MIER2: variants seen among roughly 807,000 people sequenced by gnomAD.
MIER2 encodes MIER family member 2, also known as mesoderm induction early response protein 2.
A neutral mutation model predicts 67.6 loss-of-function variants in MIER2; 30 were observed. The ratio of observed to expected loss-of-function variants is 0.44; its 90% CI spans 0.33 to 0.60. The LOEUF is 0.60. Ranked by LOEUF, MIER2 falls within the 20% of genes least tolerant of loss-of-function variation. The pLI is 0.02. For synonymous variants in MIER2, 372 were observed against 312.6 expected (o/e 1.19, Z -2.00); for missense variants, 702 against 745.1 (o/e 0.94, Z 0.67).
chr19:339,772 G>A (rs975717234), intron 1 of MIER2, among the ~76,000 whole-genome samples: 2 of 150,870 alleles, frequency 1.3e-5, no homozygotes, highest in Admixed American at 6.6e-5. Context: ...AGGCAAATTC[G>A]TAGAGACAGA....
intron 1 of MIER2, among the ~76,000 whole-genome samples, chr19:337,377 A>T (rs1046186106): frequency 6.6e-6 from 1 of 152,214 alleles, no homozygotes; most frequent in Admixed American, 6.5e-5. Context: ...TACTTTCATA[A>T]GGAAAAATAC....
chr19:335,654 G>A (rs1489686047), intron 2 of MIER2, among the ~76,000 whole-genome samples: 2 of 152,198 alleles, frequency 1.3e-5, no homozygotes, highest in Admixed American at 1.3e-4. Context: ...AGGCGGGCAT[G>A]GGACCTTGAT....
intron 7 of MIER2, among the ~76,000 whole-genome samples, chr19:315,466 A>T (rs1267833201): frequency 6.6e-6 from 1 of 152,264 alleles, no homozygotes; most frequent in Non-Finnish European, 1.5e-5. Context: ...AACGAGGATT[A>T]ATACGTTAAG....
chr19:343,844 G>A, intron 1 of MIER2: 1 of 985,270 alleles, frequency 1.0e-6, no homozygotes, highest in African/African-American at 1.7e-5. Context: ...GGCCCTCCAA[G>A]GTGAAAGCAA....
intron 1 of MIER2, among the ~76,000 whole-genome samples, chr19:343,366 C>A (rs1972587058): frequency 6.6e-6 from 1 of 152,206 alleles, no homozygotes; most frequent in African/African-American, 2.4e-5. Flanking sequence ...CTGGGAGACG[C>A]GGCTTCTGCC....
At position 336,145 on chromosome 19, in the gene MIER2, C is replaced by G. The variant is rs972995906; in HGVS notation, c.38G>C (p.Arg13Pro). Reference sequence around the variant, plus strand: ...GCTGTGCTCGAGGCAGGAGACCACGCGAGGACTCTGCCTCCCCAGCGAGGA... The same window carrying G: ...GCTGTGCTCGAGGCAGGAGACCACGGGAGGACTCTGCCTCCCCAGCGAGGA... ...EASSLGRQSP[R>P]VVSCLEHSLC... The change falls in exon 2 of 14, where the codon CGC becomes CCC. Residue 13 changes from arginine to proline, a missense_variant. Transcript: ENST00000264819. The G allele has an allele frequency of 1.9e-6, 3 of 1,613,290 alleles. No individual in the cohort carries two copies. The highest frequency in any genetic ancestry group is 1.3e-5 in the African/African-American group (1 of 74,928).
intron 7 of MIER2, among the ~76,000 whole-genome samples, chr19:314,175 T>C (rs1167325958): frequency 6.6e-6 from 1 of 152,184 alleles, no homozygotes; most frequent in Non-Finnish European, 1.5e-5. Flanking sequence ...TTAGGCACTG[T>C]CGCGCTCTAA....
chr19:309,901 C>A (rs146116876), intron 10 of MIER2, among the ~76,000 whole-genome samples: 1 of 95,542 alleles, frequency 1.0e-5, no homozygotes, highest in Non-Finnish European at 1.9e-5. Flanking sequence ...TTCAGGGACA[C>A]GAGAAGGGAC....
intron 4 of MIER2, 107 bp from the exon 5 acceptor site, chr19:327,363 T>A: frequency 2.2e-6 from 3 of 1,352,170 alleles, no homozygotes; most frequent in Non-Finnish European, 3.0e-6. Context: ...GAGGCTCACA[T>A]GGGGCTGCTA....
intron 1 of MIER2, among the ~76,000 whole-genome samples, chr19:339,940 G>A (rs553678284): frequency 9.9e-5 from 15 of 152,242 alleles, no homozygotes; most frequent in African/African-American, 3.6e-4. Flanking sequence ...CCACTGAACT[G>A]GACACATTAA....
intron 7 of MIER2, among the ~76,000 whole-genome samples, chr19:318,963 A>G (rs1434465566): frequency 6.6e-6 from 1 of 151,148 alleles, no homozygotes; most frequent in East Asian, 1.9e-4. Context: ...AGGCTGAGAC[A>G]GGAGAATGGC....
At chr19:318,388 G>A (rs543374416) in intron 7 of MIER2, among the ~76,000 whole-genome samples, 1 of 152,236 alleles carries the variant, frequency 6.6e-6, no homozygotes, top group African/African-American at 2.4e-5. Flanking sequence ...AATGGTAAAA[G>A]AAACAATTCA....
intron 7 of MIER2, among the ~76,000 whole-genome samples, chr19:314,368 G>A (rs1031514022): frequency 5.9e-5 from 9 of 152,232 alleles, no homozygotes; most frequent in African/African-American, 1.9e-4. Context: ...GGACGTGACT[G>A]GGGACAAGGC....
chr19:316,030 T>C (rs925858959), intron 7 of MIER2, among the ~76,000 whole-genome samples: 2 of 152,128 alleles, frequency 1.3e-5, no homozygotes, highest in Non-Finnish European at 2.9e-5. Context: ...CAAAACGCAA[T>C]GGAGTGAAAT....
intron 1 of MIER2, among the ~76,000 whole-genome samples, chr19:343,325 C>T (rs1467445399): frequency 1.3e-5 from 2 of 152,196 alleles, no homozygotes; most frequent in Non-Finnish European, 2.9e-5. Flanking sequence ...AGGAGCACAA[C>T]TCATTCGACC....
Position 307,342 on chromosome 19 carries a change from C to T in MIER2, c.1393G>A (p.Asp465Asn), listed in dbSNP as rs770347471. The T allele has an allele frequency of 3.4e-5, 54 of 1,603,958 alleles. No individual in the cohort carries two copies. Among genetic ancestry groups the T allele is most frequent in the Non-Finnish European group, 4.5e-5 (53 of 1,176,190 alleles). Residue 465 changes from aspartate (D) to asparagine (N), a missense_variant, in exon 13 of 14, where the codon GAC (aspartate) becomes AAC (asparagine). Asp to Asn is a conservative substitution (Grantham distance 23). Around this residue, in one of 3 missense-constraint regions of MIER2, gnomAD observed 254 missense variants for 262.8 expected, o/e 0.97. Transcript: ENST00000264819. ...YQPAVTAPEPDASPRLAVDFA... is the reference protein window; with the variant it reads ...YQPAVTAPEPNASPRLAVDFA... ...TCCACGGCCAGCCTTGGGCTGGCGT[C>T]TGGCTCCGGAGCAGTGACAGCTGGC...
intron 7 of MIER2, among the ~76,000 whole-genome samples, chr19:323,586 T>C (rs1166266494): frequency 1.4e-5 from 2 of 144,498 alleles, no homozygotes; most frequent in Non-Finnish European, 3.0e-5. Context: ...ACAGACATCA[T>C]CACCATGCAA....
At position 306,107 on chromosome 19, in the gene MIER2, G is replaced by C. The variant is rs960043133; in HGVS notation, c.*583C>G. ...TTTCCTGAAGTGGAGACGATGGGGT[G>C]GGAAGGCGAGGCTGGGGTGGGGGCC... On this transcript the variant is annotated 3_prime_UTR_variant, in exon 14 of 14. Transcript: ENST00000264819. The C allele has an allele frequency of 6.5e-6, 1 of 153,336 alleles. No individual in the cohort carries two copies. The highest frequency in any genetic ancestry group is 2.4e-5 in the African/African-American group (1 of 41,472). The allele number at this position is 153,336 out of a possible 1,614,324, so 9.5% of individuals were successfully genotyped here. A position where few individuals can be genotyped will look rare whatever the true frequency, so the allele number is the denominator to read the frequency against.
At chr19:322,989 T>C (rs1393215154) in intron 7 of MIER2, among the ~76,000 whole-genome samples, 3 of 148,180 alleles carry the variant, frequency 2.0e-5, no homozygotes, top group African/African-American at 7.5e-5. Context: ...TCAAAAACCA[T>C]GGCATCCAAA....
Sources: gnomAD v4.1 joint callset for allele counts (sites outside exome capture counted in the v4.1 genomes callset) on GRCh38, gnomAD v4.1.1 for gene constraint, gnomAD v4.1.1 regional missense constraint, MANE v1.5 for transcripts, NCBI Gene and HGNC (gene_info 2026-07-23, HGNC 2026-07-21) for gene names.